NMI: variants seen among roughly 807,000 people sequenced by gnomAD.
The protein encoded by NMI is N-myc and STAT interactor.
Under a neutral mutation model 34.3 loss-of-function variants are expected in NMI, and 39 were observed. The observed-to-expected ratio is 1.14, with a 90% confidence interval of 0.88 to 1.49. NMI has a LOEUF of 1.49. Ranked by LOEUF, NMI falls within the 40% of genes most tolerant of loss-of-function variation. The probability of loss-of-function intolerance (pLI) is 0.00; values close to 1 mark genes in which losing one functional copy is unlikely to be tolerated. For synonymous variants in NMI, 113 were observed against 120.3 expected (o/e 0.94, Z 0.40); for missense variants, 339 against 358.1 (o/e 0.95, Z 0.43).
chr2:151,280,509 G>T (rs1340153475), intron 3 of NMI, among the ~76,000 whole-genome samples: 1 of 152,200 alleles, frequency 6.6e-6, no homozygotes, highest in Admixed American at 6.5e-5. Context: ...ACCCAATAAT[G>T]CAGAAATACC....
At chr2:151,286,637 C>T (rs1221652280) in intron 1 of NMI, among the ~76,000 whole-genome samples, 6 of 152,134 alleles carry the variant, frequency 3.9e-5, no homozygotes, top group Non-Finnish European at 8.8e-5. Context: ...AGTCCCTTCC[C>T]TGAGTTTTTA....
chr2:151,271,557 C>T lies in NMI; in HGVS notation c.741+69G>A, dbSNP rs1034838690. On this transcript the variant is annotated intron_variant, in intron 7 of 7. Transcript: ENST00000243346. ...AGATGCATAAGTAACAGACTCACAA[C>T]AACTTTATTTTTTGTGGGGTGGGTT... The T allele has an allele frequency of 1.1e-5, 9 of 821,470 alleles. No homozygotes were observed. In the African/African-American group the frequency reaches 1.5e-4, roughly 14 times the overall value. The allele number at this position is 821,470 out of a possible 1,614,324, so 50.9% of individuals were successfully genotyped here.
intron 4 of NMI, 69 bp from the exon 5 acceptor site, chr2:151,275,933 GA>G: frequency 2.9e-6 from 3 of 1,027,738 alleles, no homozygotes; most frequent in Non-Finnish European, 4.3e-6. Flanking sequence ...TTTGGTTTAA[GA>G]ACAAATTATC....
In NMI at chr2:151,270,780, G is replaced by A. The variant is rs769759875; in HGVS notation, c.837C>T (p.His279=). The A allele has an allele frequency of 3.8e-5, 62 of 1,613,938 alleles. No homozygotes were observed. The South Asian group carries it at 6.4e-4, about 17-fold the overall frequency. ...CACCTCCATTCTTTGCCCGTTGAAA[G>A]TGAATGTTAATTAAATCCTCCACAA... The part of the protein sequence containing the change: ...EEIVEDLINI[H]FQRAKNGGGE... Residue 279 remains histidine, a synonymous_variant, in exon 8 of 8, where the codon CAC becomes CAT. Coordinates refer to ENST00000243346, the MANE Select transcript of NMI (RefSeq NM_004688.3).
intron 3 of NMI, among the ~76,000 whole-genome samples, chr2:151,281,162 T>C (rs552346584): frequency 1.3e-5 from 2 of 152,216 alleles, no homozygotes; most frequent in African/African-American, 4.8e-5. Flanking sequence ...TTTTAACATC[T>C]GAGTTGTTAA....
intron 1 of NMI, 144 bp from the exon 2 acceptor site, chr2:151,283,098 C>T: frequency 2.3e-6 from 1 of 435,586 alleles, no homozygotes; most frequent in Admixed American, 4.3e-5. Context: ...GCTTTATTAT[C>T]ATATGGCTTA....
chr2:151,276,832 G>A (rs1258336934), intron 4 of NMI, among the ~76,000 whole-genome samples: 1 of 152,142 alleles, frequency 6.6e-6, no homozygotes, highest in Non-Finnish European at 1.5e-5. Context: ...AAATGCTCTT[G>A]AAATCATTCT....
At chr2:151,274,698 G>A (rs1683257816) in intron 6 of NMI, among the ~76,000 whole-genome samples, 2 of 151,504 alleles carry the variant, frequency 1.3e-5, no homozygotes, top group South Asian at 4.2e-4. Flanking sequence ...GGCTGGTCTC[G>A]AACTCCTCAC....
chr2:151,275,712 T>A, intron 5 of NMI, 42 bp from the exon 6 acceptor site: 3 of 1,609,442 alleles, frequency 1.9e-6, no homozygotes, highest in Non-Finnish European at 2.6e-6. Context: ...ATGAGAGAAG[T>A]GCTTGTGATG....
Position 151,279,023 on chromosome 2 carries a change from A to C in NMI, c.178-33T>G, listed in dbSNP as rs749149595. 2.8e-6 allele frequency: 4 copies of C among 1,450,450 alleles called. No homozygotes were observed. The African/African-American group carries it at 5.7e-5, about 20-fold the overall frequency. 89.8% of individuals were successfully genotyped at this position (1,450,450 alleles called of 1,614,324 possible). On this transcript the variant is annotated intron_variant, in intron 3 of 7. Transcript: ENST00000243346. ...AAATGAAAATGTTTGATTAAAATCA[A>C]GACGAGAAATAACTTAAGTCCTTCC... is the stretch of plus-strand genomic sequence containing the variant.
chr2:151,274,180 C>G (rs576573267), intron 6 of NMI, among the ~76,000 whole-genome samples: 1 of 150,742 alleles, frequency 6.6e-6, no homozygotes, highest in Non-Finnish European at 1.5e-5. Context: ...CCGTCTCTAC[C>G]AAAAATACAA....
In NMI at chr2:151,285,652, C is replaced by T. The variant is rs143484981; in HGVS notation, c.-6-2698G>A. 3.3e-5 allele frequency among the ~76,000 whole-genome samples: 5 copies of T among 150,756 alleles called. No homozygotes were observed. In the East Asian group the frequency reaches 9.7e-4, roughly 29 times the overall value. On this transcript the variant is annotated intron_variant, in intron 1 of 7. Coordinates refer to ENST00000243346, the MANE Select transcript of NMI (RefSeq NM_004688.3). Reference sequence around the variant, plus strand: ...TTGTGTATATACAAATACATATATACCCTAGCTCTGTCTGCTGAGAAGGCC... The same window carrying T: ...TTGTGTATATACAAATACATATATATCCTAGCTCTGTCTGCTGAGAAGGCC...
chr2:151,272,201 T>A (rs554914845), intron 6 of NMI, among the ~76,000 whole-genome samples: 10 of 152,200 alleles, frequency 6.6e-5, no homozygotes, highest in Non-Finnish European at 1.3e-4. Flanking sequence ...TTGAATGTCA[T>A]CTAGAAAAAC....
chr2:151,285,574 T>C (rs11679466), intron 1 of NMI, among the ~76,000 whole-genome samples: 90,030 of 146,058 alleles, frequency 0.62, 27,833 homozygotes, highest in Admixed American at 0.69. Context: ...AGCGACAGAG[T>C]GAGACTCCAT....
chr2:151,288,602 T>G (rs1683553078), intron 1 of NMI, among the ~76,000 whole-genome samples: 1 of 150,886 alleles, frequency 6.6e-6, no homozygotes. Flanking sequence ...CGCGCGCGCG[T>G]TCCTATGTGT....
At chr2:151,280,453 G>T (rs76195775) in intron 3 of NMI, among the ~76,000 whole-genome samples, 4,623 of 152,234 alleles carry the variant, frequency 0.03, 98 homozygotes, top group Non-Finnish European at 0.045. Context: ...TTACGGTAAG[G>T]CTGACATCAA....
chr2:151,279,252 T>A (rs1683343512), intron 3 of NMI, among the ~76,000 whole-genome samples: 1 of 152,236 alleles, frequency 6.6e-6, no homozygotes, highest in Non-Finnish European at 1.5e-5. Flanking sequence ...TAATCAATGT[T>A]TAAACTGTCA....
rs557382953 is a variant in NMI at position 151,276,262 on chromosome 2, C to T, written c.341-398G>A. 5.3e-5 allele frequency among the ~76,000 whole-genome samples: 8 copies of T among 152,230 alleles called. No individual in the cohort carries two copies. In the East Asian group the frequency reaches 1.5e-3, roughly 29 times the overall value. On this transcript the variant is annotated intron_variant, in intron 4 of 7. Transcript: ENST00000243346. ...AGAGACGAGCTCTCACTTTGTTACC[C>T]AGGCTGCTCTGGAACTCCTGGACTC...
At chr2:151,288,564 A>AGTGTGTGTGT (rs80140260) in intron 1 of NMI, among the ~76,000 whole-genome samples, 34 of 149,612 alleles carry the variant, frequency 2.3e-4, no homozygotes, top group Non-Finnish European at 4.0e-4. Flanking sequence ...TGTGTATGTG[A>AGTGTGTGTGT]GTGTGTGTGT....
Sources: allele counts gnomAD v4.1 joint callset (sites outside exome capture counted in the v4.1 genomes callset), GRCh38; gene constraint gnomAD v4.1.1; transcripts MANE v1.5; gene names NCBI Gene and HGNC (gene_info 2026-07-23, HGNC 2026-07-21).